SLC9A2: variants seen among roughly 807,000 people sequenced by gnomAD.
The protein encoded by SLC9A2 is solute carrier family 9 member A2, also known as sodium/hydrogen exchanger 2.
SLC9A2 carries 42 observed loss-of-function variants against 71.7 expected under a neutral mutation model. The ratio of observed to expected loss-of-function variants is 0.59; its 90% confidence interval spans 0.46 to 0.76. The LOEUF is 0.76. Among genes scored for constraint, SLC9A2 ranks in the 30% least tolerant of loss-of-function variants. The probability of loss-of-function intolerance (pLI) is 0.00; values close to 1 mark genes in which losing one functional copy is unlikely to be tolerated. For missense variants in SLC9A2, 829 were observed against 1,017.4 expected, an observed-to-expected ratio of 0.81 and a Z score of 2.52; for synonymous variants, 396 against 392.5, an observed-to-expected ratio of 1.01 and a Z score of -0.10.
intron 1 of SLC9A2, among the ~76,000 whole-genome samples, chr2:102,640,790 G>A (rs1676559970): frequency 6.6e-6 from 1 of 152,182 alleles, no homozygotes; most frequent in Non-Finnish European, 1.5e-5. Flanking sequence ...GAAGTCCCAA[G>A]CCTCTAATCC....
chr2:102,693,266 C>A (rs2104547556), intron 5 of SLC9A2, among the ~76,000 whole-genome samples: 1 of 152,172 alleles, frequency 6.6e-6, no homozygotes, highest in Middle Eastern at 3.4e-3. Flanking sequence ...CATCCAGGAG[C>A]AACAGAAACT....
chr2:102,645,303 G>A (rs1346392216), intron 1 of SLC9A2, among the ~76,000 whole-genome samples: 1 of 152,110 alleles, frequency 6.6e-6, no homozygotes, highest in Non-Finnish European at 1.5e-5. Flanking sequence ...AAGGCTATCA[G>A]CATCAAAGAT....
chr2:102,663,640 T>C (rs188320761), intron 2 of SLC9A2, among the ~76,000 whole-genome samples: 71 of 152,322 alleles, frequency 4.7e-4, no homozygotes, highest in African/African-American at 1.6e-3. Context: ...CTCTGACATT[T>C]TGTGTCATTT....
intron 5 of SLC9A2, among the ~76,000 whole-genome samples, chr2:102,685,431 A>G (rs1468513667): frequency 1.3e-5 from 2 of 152,232 alleles, no homozygotes; most frequent in African/African-American, 2.4e-5. Context: ...CGTCCTTTGT[A>G]AAAGGATCAT....
intron 1 of SLC9A2, among the ~76,000 whole-genome samples, chr2:102,633,848 A>G (rs1435573967): frequency 1.3e-5 from 2 of 152,236 alleles, no homozygotes; most frequent in Non-Finnish European, 2.9e-5. Context: ...GTAGATTTTA[A>G]TAAGTTCAAC....
chr2:102,650,830 G>A (rs1676817710), intron 1 of SLC9A2, among the ~76,000 whole-genome samples: 1 of 152,176 alleles, frequency 6.6e-6, no homozygotes, highest in Non-Finnish European at 1.5e-5. Context: ...CATACTCTGA[G>A]AAGTGATGGC....
At chr2:102,684,751 T>C (rs151066051) in intron 5 of SLC9A2, among the ~76,000 whole-genome samples, 23 of 152,322 alleles carry the variant, frequency 1.5e-4, no homozygotes, top group African/African-American at 4.8e-4. Context: ...ACGTTTAATA[T>C]TGGGAGGCAG....
chr2:102,672,604 C>G (rs774456948), intron 3 of SLC9A2, among the ~76,000 whole-genome samples: 67 of 152,238 alleles, frequency 4.4e-4, no homozygotes, highest in Admixed American at 1.8e-3. Context: ...GGAGGTTCTT[C>G]TGAAGTGGCT....
chr2:102,665,013 A>T (rs1001646958), intron 2 of SLC9A2, 87 bp from the exon 3 acceptor site: 2 of 1,368,188 alleles, frequency 1.5e-6, no homozygotes, highest in Admixed American at 4.3e-5. Context: ...TGTCCTTATT[A>T]GAAGTCCAGG....
intron 3 of SLC9A2, among the ~76,000 whole-genome samples, chr2:102,681,410 C>T (rs1190534373): frequency 6.6e-6 from 1 of 152,234 alleles, no homozygotes; most frequent in Admixed American, 6.5e-5. Flanking sequence ...GATTCATACC[C>T]TGGCACCACC....
chr2:102,651,671 C>G (rs1455929519), intron 1 of SLC9A2, among the ~76,000 whole-genome samples: 1 of 152,198 alleles, frequency 6.6e-6, no homozygotes, highest in Non-Finnish European at 1.5e-5. Context: ...GCTACTGTGT[C>G]TTTATTGGCT....
intron 1 of SLC9A2, among the ~76,000 whole-genome samples, chr2:102,636,067 A>G (rs1270172518): frequency 6.6e-6 from 1 of 152,144 alleles, no homozygotes; most frequent in East Asian, 1.9e-4. Flanking sequence ...CATTATTTTA[A>G]TGGAACGTAA....
In SLC9A2 at chr2:102,705,607, T is replaced by C. The variant is rs551212730; in HGVS notation, c.1978-239T>C. 7.2e-5 allele frequency among the ~76,000 whole-genome samples: 11 copies of C among 152,310 alleles called. No homozygotes were observed. The South Asian group carries it at 2.1e-3, about 29-fold the overall frequency. Reference sequence around the variant, plus strand: ...TTGAGAAGACCCAGTGGTTTTCATATTTGTTTCTAATTTATTTCCCACTTA... The same window carrying C: ...TTGAGAAGACCCAGTGGTTTTCATACTTGTTTCTAATTTATTTCCCACTTA... On this transcript the variant is annotated intron_variant, in intron 10 of 11. Transcript: ENST00000233969.
chr2:102,626,098 G>A (rs570474838), intron 1 of SLC9A2, among the ~76,000 whole-genome samples: 2 of 152,196 alleles, frequency 1.3e-5, no homozygotes, highest in South Asian at 4.1e-4. Flanking sequence ...AACCAAAAAA[G>A]AACCCACATT....
At chr2:102,636,124 G>T (rs1676465328) in intron 1 of SLC9A2, among the ~76,000 whole-genome samples, 1 of 152,106 alleles carries the variant, frequency 6.6e-6, no homozygotes, top group Non-Finnish European at 1.5e-5. Context: ...GAATCTCCAT[G>T]AATCTTTAAA....
At chr2:102,695,213 G>A in intron 7 of SLC9A2, 100 bp downstream of exon 7, 1 of 843,274 alleles carries the variant, frequency 1.2e-6, no homozygotes, top group Non-Finnish European at 2.0e-6. Flanking sequence ...AATCTTTCCT[G>A]TGTTGTACCA....
chr2:102,646,624 G>A, intron 1 of SLC9A2, among the ~76,000 whole-genome samples: 1 of 151,664 alleles, frequency 6.6e-6, no homozygotes, highest in Non-Finnish European at 1.5e-5. Context: ...AAAGCAAATG[G>A]AAAACAAACA....
Position 102,620,052 on chromosome 2 carries a change from G to A in SLC9A2, c.204G>A (p.Leu68=). 6.2e-7 allele frequency: 1 copy of A among 1,614,106 alleles called. No individual in the cohort carries two copies. The highest frequency in any genetic ancestry group is 8.5e-7 in the Non-Finnish European group (1 of 1,180,006). Residue 68 remains leucine, a synonymous_variant, in exon 1 of 12, where the codon CTG becomes CTA. Coordinates refer to ENST00000233969, the MANE Select transcript of SLC9A2 (RefSeq NM_003048.6). ...PGTTLFEESR[L]PVFTLDYPHV... ...CGACGCTGTTCGAGGAGAGCCGGCT[G>A]CCTGTGTTTACGCTGGATTACCCCC... is the stretch of plus-strand genomic sequence containing the variant.
At chr2:102,688,078 G>T (rs1016731656) in intron 5 of SLC9A2, among the ~76,000 whole-genome samples, 1 of 152,052 alleles carries the variant, frequency 6.6e-6, no homozygotes. Context: ...CACCATGCCC[G>T]GCCGTGGAAT....
Sources: gnomAD v4.1 joint callset for allele counts (sites outside exome capture counted in the v4.1 genomes callset) on GRCh38, gnomAD v4.1.1 for gene constraint, MANE v1.5 for transcripts, NCBI Gene and HGNC (gene_info 2026-07-23, HGNC 2026-07-21) for gene names.